HIF1AN: variants seen among roughly 807,000 people sequenced by gnomAD.
HIF1AN encodes the protein hypoxia inducible factor 1 subunit alpha inhibitor.
Under a neutral mutation model 47.7 loss-of-function variants are expected in HIF1AN, and 21 were observed. That is an observed-to-expected ratio of 0.44 (90% CI 0.31 to 0.63). The LOEUF (loss-of-function observed/expected upper bound fraction) is 0.63. Among genes scored for constraint, HIF1AN ranks in the 30% least tolerant of loss-of-function variants. The pLI is 0.07. For missense variants in HIF1AN, 320 were observed against 432.7 expected (o/e 0.74, Z 2.31); for synonymous variants, 152 against 155.9 (o/e 0.98, Z 0.18).
chr10:100,547,291 C>T (rs777480340), intron 7 of HIF1AN, 41 bp downstream of exon 7: 1 of 1,224,818 alleles, frequency 8.2e-7, no homozygotes, highest in South Asian at 1.2e-5. Flanking sequence ...GTGGGTTGAC[C>T]AAGGAAAGTC....
chr10:100,546,465 C>A, intron 5 of HIF1AN, 53 bp from the exon 6 acceptor site: 1 of 1,405,010 alleles, frequency 7.1e-7, no homozygotes. Context: ...TTCGCCCCTC[C>A]GCCCCCGCCA....
Position 100,548,214 on chromosome 10 carries a change from C to A in HIF1AN, c.*77C>A. The A allele has an allele frequency of 7.8e-7, 1 of 1,286,462 alleles. No individual in the cohort carries two copies. The highest frequency in any genetic ancestry group is 1.1e-6 in the Non-Finnish European group (1 of 925,850). 79.7% of individuals were successfully genotyped at this position (1,286,462 alleles called of 1,614,324 possible). A position where few individuals can be genotyped will look rare whatever the true frequency, so the allele number is the denominator to read the frequency against. On this transcript the variant is annotated 3_prime_UTR_variant, in exon 8 of 8. Transcript: ENST00000299163. ...GCTTCATTGATGAGGACAGGAGACT[C>A]CAAGCGCTAGTATTGCACGCTGCAC...
At position 100,536,530 on chromosome 10, in the gene HIF1AN, G is replaced by T. The variant is rs913713099; in HGVS notation, c.297G>T (p.Lys99Asn). The T allele has an allele frequency of 1.9e-6, 3 of 1,614,040 alleles. No homozygotes were observed. Among genetic ancestry groups the T allele is most frequent in the Non-Finnish European group, 1.7e-6 (2 of 1,180,042 alleles). Residue 99 changes from lysine to asparagine, a missense_variant, in exon 2 of 8, where the codon AAG becomes AAT. Lys to Asn is a moderately conservative substitution (Grantham distance 94, BLOSUM62 0). Around this residue, in one of 2 missense-constraint regions of HIF1AN, gnomAD observed 159 missense variants for 159.9 expected, o/e 0.99. Coordinates refer to ENST00000299163, the MANE Select transcript of HIF1AN (RefSeq NM_017902.3). ...CTGTGTACAGTGCCAGCACCCACAA[G>T]TTCTTGTACTATGATGAGAAGAAGA... is the stretch of plus-strand genomic sequence containing the variant. Reference protein sequence around the residue: ...DFSVYSASTHKFLYYDEKKMA... With the variant: ...DFSVYSASTHNFLYYDEKKMA...
In HIF1AN at chr10:100,559,903, C is replaced by T. The variant is rs1843243538; in HGVS notation, c.*11766C>T. 3 of 152,230 alleles carry T rather than the reference C, an allele frequency of 2.0e-5. No homozygotes were observed. In the South Asian group the frequency reaches 6.2e-4, roughly 32 times the overall value. 9.4% of individuals were successfully genotyped at this position (152,230 alleles called of 1,614,324 possible). A position where few individuals can be genotyped will look rare whatever the true frequency, so the allele number is the denominator to read the frequency against. On this transcript the variant is annotated 3_prime_UTR_variant, in exon 8 of 8. Transcript: ENST00000299163. ...CCGTTAAAAGATGGCCACCGCTAGT[C>T]CAGTCGGCCACAGACATGGTTTTGT...
intron 2 of HIF1AN, among the ~76,000 whole-genome samples, chr10:100,538,630 G>A (rs1307928091): frequency 6.6e-6 from 1 of 151,890 alleles, no homozygotes; most frequent in Non-Finnish European, 1.5e-5. Flanking sequence ...AGACCAGCGT[G>A]GCTAACGTGG....
rs1405224375 is a variant in HIF1AN, at chr10:100,557,325, C to T, written c.*9188C>T. The T allele has an allele frequency of 6.6e-6, 1 of 152,114 alleles. No individual in the cohort carries two copies. Among genetic ancestry groups the T allele is most frequent in the Admixed American group, 6.5e-5 (1 of 15,286 alleles). The allele number at this position is 152,114 out of a possible 1,614,324, so 9.4% of individuals were successfully genotyped here. On this transcript the variant is annotated 3_prime_UTR_variant, in exon 8 of 8. Transcript: ENST00000299163. ...TCATCTCGCTATGCTTCGGTCCCCT[C>T]ATTTAAAAAAATTGGTTAATAATAT...
At chr10:100,543,713 A>T (rs1483739840) in intron 3 of HIF1AN, among the ~76,000 whole-genome samples, 1 of 152,106 alleles carries the variant, frequency 6.6e-6, no homozygotes, top group Non-Finnish European at 1.5e-5. Flanking sequence ...CTGGGACTGT[A>T]GGCGCCCGCC....
rs1172799001 is a variant in HIF1AN at position 100,536,005 on chromosome 10, C to T, written c.47C>T (p.Pro16Leu). The T allele has an allele frequency of 3.2e-6, 5 of 1,571,158 alleles. No individual in the cohort carries two copies. Among genetic ancestry groups the T allele is most frequent in the Non-Finnish European group, 4.3e-6 (5 of 1,160,118 alleles). ...AEAVASGSGE[P>L]REEAGALGPA... ...GCTGTGGCCTCTGGCTCTGGAGAGCCCCGGGAGGAGGCTGGAGCCCTCGGC... is the reference window on the plus strand; with the variant it reads ...GCTGTGGCCTCTGGCTCTGGAGAGCTCCGGGAGGAGGCTGGAGCCCTCGGC... Residue 16 changes from proline to leucine, a missense_variant, in exon 1 of 8, where the codon CCC (proline) becomes CTC (leucine). Transcript: ENST00000299163.
intron 3 of HIF1AN, 102 bp from the exon 4 acceptor site, chr10:100,544,849 G>A: frequency 9.0e-7 from 1 of 1,108,098 alleles, no homozygotes; most frequent in South Asian, 1.5e-5. Context: ...GGAACTTTTA[G>A]CTGGGAGGGC....
At position 100,551,232 on chromosome 10, in the gene HIF1AN, T is replaced by C. The variant is rs1843155448; in HGVS notation, c.*3095T>C. On this transcript the variant is annotated 3_prime_UTR_variant, in exon 8 of 8. Coordinates refer to ENST00000299163, the MANE Select transcript of HIF1AN (RefSeq NM_017902.3). ...AATCAGAGCTCTAAATTACAAGGTT[T>C]TTACCAACGTGAACAGTTGGGGGAA... 6.6e-6 allele frequency: 1 copy of C among 152,194 alleles called. No homozygotes were observed. The highest frequency in any genetic ancestry group is 1.5e-5 in the Non-Finnish European group (1 of 68,028). The allele number at this position is 152,194 out of a possible 1,614,324, so 9.4% of individuals were successfully genotyped here.
chr10:100,536,290 T>C, intron 1 of HIF1AN, 121 bp from the exon 2 acceptor site: 1 of 1,363,154 alleles, frequency 7.3e-7, no homozygotes, highest in South Asian at 1.3e-5. Flanking sequence ...ACTTAGGGGT[T>C]CGTGCTGATT....
At chr10:100,546,461 C>A in intron 5 of HIF1AN, 57 bp from the exon 6 acceptor site, 1 of 1,328,332 alleles carries the variant, frequency 7.5e-7, no homozygotes, top group South Asian at 1.2e-5. Context: ...GCACTTCGCC[C>A]CTCCGCCCCC....
intron 3 of HIF1AN, among the ~76,000 whole-genome samples, chr10:100,541,951 T>C (rs1186202534): frequency 6.6e-6 from 1 of 152,224 alleles, no homozygotes; most frequent in Non-Finnish European, 1.5e-5. Context: ...TGTTAGCATA[T>C]TACTGTGCTG....
chr10:100,555,984 ATG>A lies in HIF1AN; in HGVS notation c.*7849_*7850del, dbSNP rs2133737383. On this transcript the variant is annotated 3_prime_UTR_variant, in exon 8 of 8. Coordinates refer to ENST00000299163, the MANE Select transcript of HIF1AN (RefSeq NM_017902.3). ...ACTGCCCGAAACTTGACTTGTTTATATGTATGGGGAAGACATCATTTACATTG... is the reference window on the plus strand; with the variant it reads ...ACTGCCCGAAACTTGACTTGTTTATATATGGGGAAGACATCATTTACATTG... The A allele has an allele frequency of 6.6e-6, 1 of 152,342 alleles. No individual in the cohort carries two copies. The allele number at this position is 152,342 out of a possible 1,614,324, so 9.4% of individuals were successfully genotyped here.
Position 100,551,413 on chromosome 10 carries a change from TG to T in HIF1AN, c.*3280del, listed in dbSNP as rs113900085. On this transcript the variant is annotated 3_prime_UTR_variant, in exon 8 of 8. Coordinates refer to ENST00000299163, the MANE Select transcript of HIF1AN (RefSeq NM_017902.3). Reference sequence around the variant, plus strand: ...TCCTTATCAGTGGGCCAGCCCAGTATGGGGAGACACTCCCTCCCTCTGCCCC... The same window carrying T: ...TCCTTATCAGTGGGCCAGCCCAGTATGGGAGACACTCCCTCCCTCTGCCCC... The T allele has an allele frequency of 2.0e-5, 3 of 152,202 alleles. No individual in the cohort carries two copies. Among genetic ancestry groups the T allele is most frequent in the African/African-American group, 7.2e-5 (3 of 41,456 alleles). The allele number at this position is 152,202 out of a possible 1,614,324, so 9.4% of individuals were successfully genotyped here.
chr10:100,546,463 T>TCCCC, intron 5 of HIF1AN, 55 bp from the exon 6 acceptor site: 2 of 323,218 alleles, frequency 6.2e-6, no homozygotes, highest in Admixed American at 5.3e-5. Context: ...ACTTCGCCCC[T>TCCCC]CCGCCCCCGC....
At position 100,558,579 on chromosome 10, in the gene HIF1AN, G is replaced by C. The variant is rs1047836013; in HGVS notation, c.*10442G>C. ...ATCTGACAGCCTAGATGGGATTCTA[G>C]ACTTCTGTGAGAAAGTGCAGTTAGG... On this transcript the variant is annotated 3_prime_UTR_variant, in exon 8 of 8. Transcript: ENST00000299163. The C allele has an allele frequency of 1.3e-5, 2 of 152,210 alleles. No homozygotes were observed. Among genetic ancestry groups the C allele is most frequent in the Admixed American group, 6.5e-5 (1 of 15,282 alleles). The allele number at this position is 152,210 out of a possible 1,614,324, so 9.4% of individuals were successfully genotyped here. A position where few individuals can be genotyped will look rare whatever the true frequency, so the allele number is the denominator to read the frequency against.
In HIF1AN at chr10:100,550,701, A is replaced by C. The variant is rs973037338; in HGVS notation, c.*2564A>C. On this transcript the variant is annotated 3_prime_UTR_variant, in exon 8 of 8. Transcript: ENST00000299163. ...CCATATTATGAATTAGTGCTAGAAG[A>C]AGCTGTGGGGGGAACTGAGTTCTGT... 2 of 152,222 alleles carry C rather than the reference A, an allele frequency of 1.3e-5. No homozygotes were observed. Among genetic ancestry groups the C allele is most frequent in the Non-Finnish European group, 2.9e-5 (2 of 68,050 alleles). The allele number at this position is 152,222 out of a possible 1,614,324, so 9.4% of individuals were successfully genotyped here.
intron 3 of HIF1AN, 32 bp from the exon 4 acceptor site, chr10:100,544,919 C>T (rs201853106): frequency 5.5e-4 from 892 of 1,609,294 alleles, no homozygotes; most frequent in Middle Eastern, 9.9e-4. Context: ...AGAACCACTG[C>T]TCTGCATAAG....
Sources: allele counts gnomAD v4.1 joint callset (sites outside exome capture counted in the v4.1 genomes callset), GRCh38; gene constraint gnomAD v4.1.1; regional missense constraint gnomAD v4.1.1; transcripts MANE v1.5; gene names NCBI Gene and HGNC (gene_info 2026-07-23, HGNC 2026-07-21).